SEMA4F: variants seen among roughly 807,000 people sequenced by gnomAD.
SEMA4F encodes ssemaphorin 4F.
In SEMA4F, 51 loss-of-function variants were observed where a neutral mutation model predicts 78.4. The observed-to-expected ratio is 0.65, with a 90% CI of 0.52 to 0.82. The LOEUF (loss-of-function observed/expected upper bound fraction) is 0.82. Among genes scored for constraint, SEMA4F ranks in the 40% least tolerant of loss-of-function variants. The pLI, the probability that SEMA4F is intolerant of heterozygous loss-of-function variation, is 0.00. For missense variants in SEMA4F, 938 were observed against 1,014.4 expected, an observed-to-expected ratio of 0.92 and a Z score of 1.02; for synonymous variants, 418 against 408.7, an observed-to-expected ratio of 1.02 and a Z score of -0.27.
intron 7 of SEMA4F, among the ~76,000 whole-genome samples, 183 bp from the exon 8 acceptor site, chr2:74,674,315 C>T (rs752310295): frequency 6.6e-6 from 1 of 152,188 alleles, no homozygotes; most frequent in South Asian, 2.1e-4. Flanking sequence ...GTGACCCCTT[C>T]ACCCTCATAT....
At chr2:74,699,849 T>G in the SEMA4F span, among the ~76,000 whole-genome samples, 3 of 152,186 alleles carry the variant, frequency 2.0e-5, no homozygotes, top group East Asian at 5.8e-4. Context: ...GAAGTGAGAA[T>G]GAGAACTAGA....
chr2:74,669,187 G>A (rs1487283068), intron 5 of SEMA4F, among the ~76,000 whole-genome samples: 1 of 152,032 alleles, frequency 6.6e-6, no homozygotes, highest in Non-Finnish European at 1.5e-5. Context: ...GCATGCCTGT[G>A]GTCCCAGCTA....
At chr2:74,663,362 G>A (rs995018379) in intron 5 of SEMA4F, among the ~76,000 whole-genome samples, 5 of 152,176 alleles carry the variant, frequency 3.3e-5, no homozygotes, top group African/African-American at 1.2e-4. Context: ...TGTGTGTCTA[G>A]TGGTACCGTA....
chr2:74,656,575 T>G lies in SEMA4F; in HGVS notation c.187T>G (p.Tyr63Asp). ...CLTRFAVPHT[Y>D]NYSVLLVDPA... The stretch of plus-strand genomic sequence containing the variant: ...CACCCGGTTCGCAGTCCCTCACACA[T>G]ACAATTACTCTGTTCTCCTTGTGGA... The change falls in exon 2 of 14, where the codon TAC (tyrosine) becomes GAC (aspartate). Residue 63 changes from tyrosine to aspartate, a missense_variant. Tyr to Asp is a radical substitution (Grantham distance 160). Coordinates refer to ENST00000357877, the MANE Select transcript of SEMA4F (RefSeq NM_004263.5). 6.2e-7 allele frequency: 1 copy of G among 1,614,094 alleles called. No homozygotes were observed. Among genetic ancestry groups the G allele is most frequent in the Non-Finnish European group, 8.5e-7 (1 of 1,179,994 alleles).
At chr2:74,660,232 T>C (rs1684359462) in intron 4 of SEMA4F, among the ~76,000 whole-genome samples, 1 of 152,280 alleles carries the variant, frequency 6.6e-6, no homozygotes, top group African/African-American at 2.4e-5. Context: ...TCTCTAAGAC[T>C]GAATAGCTAG....
intron 8 of SEMA4F, 84 bp from the exon 9 acceptor site, chr2:74,674,802 TTC>T: frequency 6.4e-7 from 1 of 1,558,050 alleles, no homozygotes. Flanking sequence ...CCCTGTGCGT[TTC>T]TCGGGGGTCA....
chr2:74,675,733 C>T lies in SEMA4F; in HGVS notation c.1483-16C>T, dbSNP rs1246081435. On this transcript the variant is annotated splice_polypyrimidine_tract_variant and intron_variant, in intron 11 of 13. Coordinates refer to ENST00000357877, the MANE Select transcript of SEMA4F (RefSeq NM_004263.5). ...GGAGATCCAGTGTATTCCCCTTCCCCACTCCGTTTTTATAGAGCTGGCTCC... is the reference window on the plus strand; with the variant it reads ...GGAGATCCAGTGTATTCCCCTTCCCTACTCCGTTTTTATAGAGCTGGCTCC... The T allele has an allele frequency of 1.2e-6, 2 of 1,613,638 alleles. No individual in the cohort carries two copies. Among genetic ancestry groups the T allele is most frequent in the South Asian group, 2.2e-5 (2 of 90,978 alleles).
At chr2:74,679,464 T>C (rs1281024939) in intron 13 of SEMA4F, 130 bp downstream of exon 13, 39 of 1,482,078 alleles carry the variant, frequency 2.6e-5, no homozygotes, top group Non-Finnish European at 3.6e-5. Context: ...CCTCGGGCCT[T>C]AGCCTCTTTA....
chr2:74,686,438 A>G (rs1257186423), downstream of SEMA4F, among the ~76,000 whole-genome samples: 4 of 152,220 alleles, frequency 2.6e-5, no homozygotes, highest in South Asian at 2.1e-4. Flanking sequence ...TGGTAGTGTA[A>G]ATTAGTTCCA....
the SEMA4F span, among the ~76,000 whole-genome samples, chr2:74,706,409 C>A: frequency 6.6e-6 from 1 of 151,130 alleles, no homozygotes; most frequent in Non-Finnish European, 1.5e-5. Flanking sequence ...CAGGTCCAGG[C>A]AGACCCAGAT....
the SEMA4F span, among the ~76,000 whole-genome samples, chr2:74,704,594 T>C: frequency 6.6e-6 from 1 of 152,004 alleles, no homozygotes; most frequent in Non-Finnish European, 1.5e-5. Flanking sequence ...TTTTATTATC[T>C]AACCAATTGG....
intron 5 of SEMA4F, among the ~76,000 whole-genome samples, chr2:74,669,323 C>T (rs1684856035): frequency 6.6e-6 from 1 of 151,950 alleles, no homozygotes; most frequent in Non-Finnish European, 1.5e-5. Context: ...TGGTGGCTCA[C>T]GCCTGTAATC....
chr2:74,664,975 G>C (rs527670699), intron 5 of SEMA4F, among the ~76,000 whole-genome samples: 4 of 152,008 alleles, frequency 2.6e-5, no homozygotes, highest in Admixed American at 6.5e-5. Context: ...TCGCATGAGG[G>C]GGGATCTAAA....
At chr2:74,695,289 C>T in the SEMA4F span, among the ~76,000 whole-genome samples, 2 of 152,168 alleles carry the variant, frequency 1.3e-5, no homozygotes, top group East Asian at 1.9e-4. Flanking sequence ...TAGAGCTCCT[C>T]TATCCTCCTT....
At chr2:74,666,142 A>G (rs1003513276) in intron 5 of SEMA4F, among the ~76,000 whole-genome samples, 2 of 152,056 alleles carry the variant, frequency 1.3e-5, no homozygotes, top group African/African-American at 4.8e-5. Context: ...TCCTGACCTC[A>G]TGATCTGCCT....
intron 1 of SEMA4F, among the ~76,000 whole-genome samples, chr2:74,656,133 C>G (rs1009870076): frequency 1.3e-5 from 2 of 151,924 alleles, no homozygotes; most frequent in South Asian, 4.2e-4. Flanking sequence ...CTCAGCCTCC[C>G]AAATAGCTGG....
In SEMA4F at chr2:74,680,040, A is replaced by T. The variant is rs146839395; in HGVS notation, c.2144A>T (p.Asp715Val). Reference sequence around the variant, plus strand: ...TCTGGGACCACAAGCTACAGCCAAGACCCTCCCTCCCCCTCTCCTGAAGAT... The same window carrying T: ...TCTGGGACCACAAGCTACAGCCAAGTCCCTCCCTCCCCCTCTCCTGAAGAT... ...PPSGTTSYSQ[D>V]PPSPSPEDER... Residue 715 changes from aspartate to valine, a missense_variant, in exon 14 of 14, where the codon GAC (aspartate) becomes GTC (valine). Physicochemically the swap from Asp to Val is radical, Grantham distance 152. Transcript: ENST00000357877. The T allele has an allele frequency of 1.2e-6, 2 of 1,613,216 alleles. No homozygotes were observed. Among genetic ancestry groups the T allele is most frequent in the East Asian group, 4.5e-5 (2 of 44,852 alleles).
chr2:74,654,248 T>C lies in SEMA4F; in HGVS notation c.-129T>C. The C allele has an allele frequency of 2.7e-6, 3 of 1,118,596 alleles. No individual in the cohort carries two copies. Among genetic ancestry groups the C allele is most frequent in the Non-Finnish European group, 3.5e-6 (3 of 851,218 alleles). 69.3% of individuals were successfully genotyped at this position (1,118,596 alleles called of 1,614,324 possible). The stretch of plus-strand genomic sequence containing the variant: ...TCTGAGGGGGCGGAGCCGGGCGGTG[T>C]TTCATCCCTCAGCCTCAGGCTGAGC... On this transcript the variant is annotated 5_prime_UTR_variant, in exon 1 of 14. Transcript: ENST00000357877.
chr2:74,707,239 A>C, the SEMA4F span, among the ~76,000 whole-genome samples: 1 of 152,192 alleles, frequency 6.6e-6, no homozygotes, highest in Non-Finnish European at 1.5e-5. Context: ...TTATATAAAA[A>C]GATCCTTGTT....
Sources: allele counts gnomAD v4.1 joint callset (sites outside exome capture counted in the v4.1 genomes callset), GRCh38; gene constraint gnomAD v4.1.1; transcripts MANE v1.5; gene names NCBI Gene and HGNC (gene_info 2026-07-23, HGNC 2026-07-21).